The following ASTN2 variants were observed in gnomAD, a reference collection of about 807,000 sequenced individuals.
ASTN2 encodes the protein astrotactin 2.
Under a neutral mutation model 139.8 loss-of-function variants are expected in ASTN2, and 54 were observed. That is an observed-to-expected ratio of 0.39 (90% CI 0.31 to 0.48). ASTN2 has a LOEUF of 0.48. Ranked by LOEUF, ASTN2 falls within the 20% of genes least tolerant of loss-of-function variation. The pLI is 0.95. For synonymous variants in ASTN2, 756 were observed against 719.5 expected, an observed-to-expected ratio of 1.05 and a Z score of -0.81; for missense variants, 1,565 against 1,725.1, an observed-to-expected ratio of 0.91 and a Z score of 1.64.
chr9:116,601,123 C>T (rs575030681), intron 19 of ASTN2, among the ~76,000 whole-genome samples: 3 of 152,150 alleles, frequency 2.0e-5, no homozygotes, highest in Non-Finnish European at 4.4e-5. Context: ...ATGTAGTCAA[C>T]AAGAGGGCCA....
At chr9:116,455,132 T>C (rs1293217498) in intron 20 of ASTN2, among the ~76,000 whole-genome samples, 2 of 151,992 alleles carry the variant, frequency 1.3e-5, no homozygotes, top group Non-Finnish European at 2.9e-5. Flanking sequence ...GTGGATCACC[T>C]GAGGTCAGGA....
intron 10 of ASTN2, among the ~76,000 whole-genome samples, chr9:116,886,729 A>G (rs1019923097): frequency 1.4e-5 from 2 of 138,550 alleles, no homozygotes; most frequent in African/African-American, 4.9e-5. Flanking sequence ...TTCAGAAATA[A>G]AAGAATATTT....
chr9:116,845,755 C>A (rs1193610707), intron 11 of ASTN2, among the ~76,000 whole-genome samples: 3 of 151,948 alleles, frequency 2.0e-5, no homozygotes, highest in Admixed American at 1.3e-4. Context: ...AAATTGGAGC[C>A]CTTGCACACT....
intron 1 of ASTN2, among the ~76,000 whole-genome samples, chr9:117,316,328 G>A (rs1471674770): frequency 6.6e-6 from 1 of 152,142 alleles, no homozygotes; most frequent in Non-Finnish European, 1.5e-5. Flanking sequence ...CTCACTTGCA[G>A]GACAGTGTTG....
intron 10 of ASTN2, among the ~76,000 whole-genome samples, chr9:116,938,600 C>T (rs1250455294): frequency 1.3e-5 from 2 of 152,180 alleles, no homozygotes; most frequent in East Asian, 3.9e-4. Flanking sequence ...AGGCCTTTAT[C>T]CAATTGCTCC....
At chr9:117,274,261 A>C (rs907827576) in intron 2 of ASTN2, among the ~76,000 whole-genome samples, 21 of 152,168 alleles carry the variant, frequency 1.4e-4, no homozygotes, top group African/African-American at 5.1e-4. Context: ...GAGGCAGGAG[A>C]ATCGCCTGAC....
chr9:116,828,446 C>T (rs1170145144), intron 11 of ASTN2, among the ~76,000 whole-genome samples: 1 of 151,678 alleles, frequency 6.6e-6, no homozygotes, highest in African/African-American at 2.4e-5. Flanking sequence ...ATCACATAAA[C>T]AGAATTCAGG....
At chr9:116,729,899 G>T (rs1490405093) in intron 14 of ASTN2, among the ~76,000 whole-genome samples, 1 of 152,146 alleles carries the variant, frequency 6.6e-6, no homozygotes, top group African/African-American at 2.4e-5. Context: ...TGTATGAAAG[G>T]TCCTTTGGAA....
At chr9:116,619,876 C>G (rs2131826319) in intron 18 of ASTN2, among the ~76,000 whole-genome samples, 1 of 152,112 alleles carries the variant, frequency 6.6e-6, no homozygotes, top group East Asian at 1.9e-4. Flanking sequence ...GTTTTGGCAT[C>G]TATCTCCTCC....
rs1392716103 is a variant in ASTN2, at chr9:116,804,207, G to C, written c.2396+1425C>G. Among the ~76,000 whole-genome samples, 3 of 152,122 alleles carry C rather than the reference G, an allele frequency of 2.0e-5. No individual in the cohort carries two copies. In the East Asian group the frequency reaches 5.8e-4, roughly 29 times the overall value. On this transcript the variant is annotated intron_variant, in intron 13 of 22. Transcript: ENST00000313400. ...CTCATTCTGTAAAATGGGAGTAAGA[G>C]GGTATGCTGAATTGAAATACAAGAG...
chr9:116,534,074 C>T (rs1427283168), intron 19 of ASTN2, among the ~76,000 whole-genome samples: 2 of 152,234 alleles, frequency 1.3e-5, no homozygotes, highest in Admixed American at 1.3e-4. Flanking sequence ...TCAACTTCTT[C>T]CTGGTTTAGT....
chr9:116,550,176 C>T (rs1852279274), intron 19 of ASTN2, among the ~76,000 whole-genome samples: 2 of 152,180 alleles, frequency 1.3e-5, no homozygotes, highest in Admixed American at 1.3e-4. Flanking sequence ...TTATCTCAGA[C>T]CACAAAATTG....
chr9:117,412,267 T>C (rs1005573882), intron 1 of ASTN2, among the ~76,000 whole-genome samples: 4 of 152,062 alleles, frequency 2.6e-5, no homozygotes, highest in Non-Finnish European at 5.9e-5. Flanking sequence ...ATCCCCCGCA[T>C]GCATCCAAAA....
intron 10 of ASTN2, among the ~76,000 whole-genome samples, chr9:116,885,279 G>A (rs572953779): frequency 6.6e-6 from 1 of 152,136 alleles, no homozygotes; most frequent in East Asian, 1.9e-4. Context: ...TAAATACCCT[G>A]ACTTGATCAT....
chr9:116,534,814 G>T (rs56723658), intron 19 of ASTN2, among the ~76,000 whole-genome samples: 1,869 of 152,296 alleles, frequency 0.012, 33 homozygotes, highest in African/African-American at 0.043. Context: ...GTGCGATGTG[G>T]TGCTGAGAAG....
At chr9:117,326,363 C>T (rs918458721) in intron 1 of ASTN2, among the ~76,000 whole-genome samples, 1 of 152,006 alleles carries the variant, frequency 6.6e-6, no homozygotes, top group Non-Finnish European at 1.5e-5. Flanking sequence ...AGAGTCAAGA[C>T]TCAAACAAGC....
rs1225154694 is a variant in ASTN2 at position 116,669,898 on chromosome 9, T to C, written c.2807-18105A>G. ...TTGGCTCACTGCAACCTCAACCTCT[T>C]GGGTTCAAGCAATTCTCTGCCTCAG... On this transcript the variant is annotated intron_variant, in intron 16 of 22. Coordinates refer to ENST00000313400, the MANE Select transcript of ASTN2 (RefSeq NM_001365068.1). Among the ~76,000 whole-genome samples the C allele has an allele frequency of 5.9e-5, 9 of 151,964 alleles. No homozygotes were observed. The South Asian group carries it at 1.2e-3, about 21-fold the overall frequency.
At chr9:117,227,289 A>G (rs1245240226) in intron 2 of ASTN2, among the ~76,000 whole-genome samples, 1 of 152,070 alleles carries the variant, frequency 6.6e-6, no homozygotes, top group East Asian at 1.9e-4. Flanking sequence ...CTTATCTCTC[A>G]CTTTTATTAT....
At chr9:116,821,154 G>C (rs1470592088) in intron 11 of ASTN2, among the ~76,000 whole-genome samples, 1 of 152,122 alleles carries the variant, frequency 6.6e-6, no homozygotes, top group Non-Finnish European at 1.5e-5. Context: ...TTGCCCTATA[G>C]GGTCTACTGC....
Sources: allele counts gnomAD v4.1 joint callset (sites outside exome capture counted in the v4.1 genomes callset), GRCh38; gene constraint gnomAD v4.1.1; transcripts MANE v1.5; gene names NCBI Gene and HGNC (gene_info 2026-07-23, HGNC 2026-07-21).